The following MTOR variants were observed in gnomAD, a reference collection of about 807,000 sequenced individuals.
MTOR encodes serine/threonine-protein kinase mTOR.
In MTOR, 70 loss-of-function variants were observed where a neutral mutation model predicts 319.8. The observed-to-expected ratio is 0.22, with a 90% CI of 0.18 to 0.27. MTOR has a LOEUF of 0.27. Among genes scored for constraint, MTOR ranks in the 10% least tolerant of loss-of-function variants. The probability of loss-of-function intolerance (pLI) is 1.00; values close to 1 mark genes in which losing one functional copy is unlikely to be tolerated. For synonymous variants in MTOR, 1,183 were observed against 1,211.4 expected (o/e 0.98, Z 0.49); for missense variants, 1,890 against 3,274.4 (o/e 0.58, Z 10.32).
chr1:11,139,718 G>A, intron 34 of MTOR, 60 bp from the exon 35 acceptor site: 15 of 1,601,612 alleles, frequency 9.4e-6, no homozygotes, highest in South Asian at 4.5e-5. Context: ...TTGTGGCAGA[G>A]TCTTGCTCTG....
chr1:11,147,729 GA>G (rs1643984280), intron 31 of MTOR, among the ~76,000 whole-genome samples: 1 of 152,224 alleles, frequency 6.6e-6, no homozygotes, highest in African/African-American at 2.4e-5. Context: ...AATGGAGGTA[GA>G]GGGTTATGTA....
chr1:11,193,664 T>C lies in MTOR; in HGVS notation c.4253+5594A>G, dbSNP rs755991132. 2.5e-6 allele frequency: 4 copies of C among 1,614,118 alleles called. No homozygotes were observed. In the East Asian group the frequency reaches 6.7e-5, roughly 27 times the overall value. On this transcript the variant is annotated intron_variant, in intron 28 of 57. Transcript: ENST00000361445. ...TGGCCTTGTCTCCTTCTACCGGGAC[T>C]GGAAGCAGTACAAGCAGGGCTTTGG...
chr1:11,116,000 C>G lies in MTOR; in HGVS notation c.7017-532G>C, dbSNP rs1213788548. Among the ~76,000 whole-genome samples, 1 of 152,186 alleles carries G rather than the reference C, an allele frequency of 6.6e-6. No homozygotes were observed. The highest frequency in any genetic ancestry group is 2.4e-5 in the African/African-American group (1 of 41,428). On this transcript the variant is annotated intron_variant, in intron 50 of 57. Coordinates refer to ENST00000361445, the MANE Select transcript of MTOR (RefSeq NM_004958.4). The surrounding 1 kb of genome is among the most constrained non-coding windows in gnomAD (Gnocchi z 4.5). ...CTGGCTTTTATCAACAGATATTCTGCTAGACTTTTAAAAACAAAAATCTAC... is the reference window on the plus strand; with the variant it reads ...CTGGCTTTTATCAACAGATATTCTGGTAGACTTTTAAAAACAAAAATCTAC...
chr1:11,196,427 T>G (rs1238154538), intron 28 of MTOR, among the ~76,000 whole-genome samples: 1 of 152,192 alleles, frequency 6.6e-6, no homozygotes, highest in Non-Finnish European at 1.5e-5. Flanking sequence ...TAGCCCTGAT[T>G]TGGGATTACA....
chr1:11,189,570 C>A, intron 28 of MTOR: 3 of 1,583,968 alleles, frequency 1.9e-6, no homozygotes, highest in Non-Finnish European at 2.6e-6. Context: ...CTCACCCAAA[C>A]CCACAAAAGA....
At chr1:11,130,368 C>A (rs1643075471) in intron 39 of MTOR, among the ~76,000 whole-genome samples, 161 bp downstream of exon 39, 1 of 152,228 alleles carries the variant, frequency 6.6e-6, no homozygotes, top group Non-Finnish European at 1.5e-5. Context: ...ACACACAAAG[C>A]CCTATCTCAG....
At chr1:11,157,330 G>A (rs2100569239) in intron 29 of MTOR, 39 bp from the exon 30 acceptor site, 3 of 1,599,580 alleles carry the variant, frequency 1.9e-6, no homozygotes, top group Non-Finnish European at 1.7e-6. Context: ...GAGGTACACA[G>A]AAGAAGGGAT....
intron 47 of MTOR, among the ~76,000 whole-genome samples, chr1:11,123,886 C>G (rs1204890595): frequency 6.6e-6 from 1 of 152,008 alleles, no homozygotes; most frequent in Non-Finnish European, 1.5e-5. Context: ...CTCCCAGGTT[C>G]AAGCAATTCT....
At chr1:11,193,819 C>T in intron 28 of MTOR, 2 of 1,591,220 alleles carry the variant, frequency 1.3e-6, no homozygotes, top group Middle Eastern at 3.6e-4. Flanking sequence ...AGTGCCACCA[C>T]ACATGACCGC....
In MTOR at chr1:11,121,868, C is replaced by A; in HGVS notation, c.6810+111G>T. ...TATTAAACCTTCTTCAAAGCTGATTCTCTCAAAGAGATTTTTCAGTGACAG... is the reference window on the plus strand; with the variant it reads ...TATTAAACCTTCTTCAAAGCTGATTATCTCAAAGAGATTTTTCAGTGACAG... On this transcript the variant is annotated intron_variant, in intron 48 of 57. Coordinates refer to ENST00000361445, the MANE Select transcript of MTOR (RefSeq NM_004958.4). This position sits in a 1 kb window ranked among gnomAD's most constrained non-coding sequence, Gnocchi z 4.9. The A allele has an allele frequency of 7.1e-7, 1 of 1,404,724 alleles. No homozygotes were observed. The highest frequency in any genetic ancestry group is 9.6e-7 in the Non-Finnish European group (1 of 1,038,214). 87.0% of individuals were successfully genotyped at this position (1,404,724 alleles called of 1,614,324 possible). A position where few individuals can be genotyped will look rare whatever the true frequency, so the allele number is the denominator to read the frequency against.
rs77440067 is a variant in MTOR at position 11,131,307 on chromosome 1, G to A, written c.5365-530C>T. On this transcript the variant is annotated intron_variant, in intron 38 of 57. Coordinates refer to ENST00000361445, the MANE Select transcript of MTOR (RefSeq NM_004958.4). ...CAAGCCCATGAATGTGACCGTGCAG[G>A]GGATACATGCAGGCGAGGAGTGAGA... 2.8e-3 allele frequency: 455 copies of A among 164,902 alleles called. 4 individuals carry two copies. The highest frequency in any genetic ancestry group is 9.1e-3 in the African/African-American group (378 of 41,662). 10.2% of individuals were successfully genotyped at this position (164,902 alleles called of 1,614,324 possible).
In MTOR at chr1:11,133,024, G is replaced by T; in HGVS notation, c.5364+56C>A. The T allele has an allele frequency of 6.9e-7, 1 of 1,457,828 alleles. No individual in the cohort carries two copies. The highest frequency in any genetic ancestry group is 9.6e-7 in the Non-Finnish European group (1 of 1,039,992). 90.3% of individuals were successfully genotyped at this position (1,457,828 alleles called of 1,614,324 possible). On this transcript the variant is annotated intron_variant, in intron 38 of 57. Transcript: ENST00000361445. The surrounding 1 kb of genome is among the most constrained non-coding windows in gnomAD (Gnocchi z 4.0). Reference sequence around the variant, plus strand: ...GCTCAGCTGTAACCACGAGCACACAGGAGGACACGAGCCAGCCAGGGTGCT... The same window carrying T: ...GCTCAGCTGTAACCACGAGCACACATGAGGACACGAGCCAGCCAGGGTGCT...
rs1229970958 is a variant in MTOR at position 11,121,012 on chromosome 1, T to C, written c.6933+234A>G. On this transcript the variant is annotated intron_variant, in intron 49 of 57. Transcript: ENST00000361445. This position sits in a 1 kb window ranked among gnomAD's most constrained non-coding sequence, Gnocchi z 4.9. The stretch of plus-strand genomic sequence containing the variant: ...TTGTAACATATATAAAAAAGACAAC[T>C]ATCTTTAATTCTTTAATATATAAAG... 6.6e-6 allele frequency among the ~76,000 whole-genome samples: 1 copy of C among 152,210 alleles called. No homozygotes were observed. Among genetic ancestry groups the C allele is most frequent in the Non-Finnish European group, 1.5e-5 (1 of 68,034 alleles).
Position 11,113,064 on chromosome 1 carries a change from A to C in MTOR, c.7301-147T>G. ...ATGACAGACATATTACTCAGGAATA[A>C]GTGGGTGGGTATTAGCATGGGATGT... is the stretch of plus-strand genomic sequence containing the variant. On this transcript the variant is annotated intron_variant, in intron 53 of 57. Coordinates refer to ENST00000361445, the MANE Select transcript of MTOR (RefSeq NM_004958.4). 3.7e-6 allele frequency: 3 copies of C among 801,076 alleles called. No homozygotes were observed. In the Admixed American group the frequency reaches 7.6e-5, roughly 20 times the overall value. The allele number at this position is 801,076 out of a possible 1,614,324, so 49.6% of individuals were successfully genotyped here.
At chr1:11,122,511 T>A (rs1481923876) in intron 47 of MTOR, among the ~76,000 whole-genome samples, 1 of 147,908 alleles carries the variant, frequency 6.8e-6, no homozygotes, top group South Asian at 2.2e-4. Flanking sequence ...TATTTTTTTT[T>A]TTTTTTTTTT....
At chr1:11,177,322 C>T (rs1645022602) in intron 28 of MTOR, among the ~76,000 whole-genome samples, 1 of 152,094 alleles carries the variant, frequency 6.6e-6, no homozygotes, top group African/African-American at 2.4e-5. Flanking sequence ...CCTTGGGAGG[C>T]CGAGACAGGA....
At chr1:11,229,420 G>A (rs531654847) in intron 18 of MTOR, among the ~76,000 whole-genome samples, 1 of 152,260 alleles carries the variant, frequency 6.6e-6, no homozygotes, top group Non-Finnish European at 1.5e-5. Context: ...GGCAAGGGAG[G>A]GAGGTATACT....
rs530608608 is a variant in MTOR at position 11,109,097 on chromosome 1, A to G, written c.7528+193T>C. ...AGTTAAATGAGATTAAACTAACATT[A>G]AGTACTGTTATCAGTCATCAGAAAG... On this transcript the variant is annotated intron_variant, in intron 56 of 57. Coordinates refer to ENST00000361445, the MANE Select transcript of MTOR (RefSeq NM_004958.4). The surrounding 1 kb of genome is among the most constrained non-coding windows in gnomAD (Gnocchi z 4.0). Among the ~76,000 whole-genome samples, 4 of 152,368 alleles carry G rather than the reference A, an allele frequency of 2.6e-5. No homozygotes were observed. In the East Asian group the frequency reaches 7.7e-4, roughly 29 times the overall value.
intron 38 of MTOR, 73 bp from the exon 39 acceptor site, chr1:11,130,850 G>A (rs761690668): frequency 1.3e-5 from 19 of 1,502,002 alleles, no homozygotes; most frequent in Non-Finnish European, 1.6e-5. Flanking sequence ...GCGCAAGGTC[G>A]ATGCTGAGGA....
Sources: gnomAD v4.1 joint callset for allele counts (sites outside exome capture counted in the v4.1 genomes callset) on GRCh38, gnomAD v4.1.1 for gene constraint, Gnocchi (gnomAD v3.1) non-coding constraint, MANE v1.5 for transcripts, NCBI Gene and HGNC (gene_info 2026-07-23, HGNC 2026-07-21) for gene names.